SNX29: variants seen among roughly 807,000 people sequenced by gnomAD.
SNX29 encodes the protein sorting nexin-29.
Under a neutral mutation model 102.1 loss-of-function variants are expected in SNX29, and 78 were observed. That is an observed-to-expected ratio of 0.76 (90% CI 0.64 to 0.92). The LOEUF (loss-of-function observed/expected upper bound fraction) is 0.92. SNX29 is among the 40% of genes least tolerant of loss of function. SNX29 has a pLI of 0.00. For synonymous variants in SNX29, 580 were observed against 414.5 expected (o/e 1.40, Z -4.85); for missense variants, 1,280 against 1,061.7 (o/e 1.21, Z -2.86).
intron 20 of SNX29, among the ~76,000 whole-genome samples, chr16:12,561,684 C>T (rs1434683154): frequency 1.3e-5 from 2 of 152,206 alleles, no homozygotes; most frequent in East Asian, 1.9e-4. Flanking sequence ...CACACACAGA[C>T]CCCCTTTTCC....
At chr16:12,052,674 C>T (rs546787467) in intron 8 of SNX29, 1 of 183,832 alleles carries the variant, frequency 5.4e-6, no homozygotes, top group East Asian at 1.4e-4. Flanking sequence ...ATTTGCTCTT[C>T]CCCTGAGAAC....
intron 16 of SNX29, among the ~76,000 whole-genome samples, chr16:12,368,751 G>T (rs1006181043): frequency 6.6e-6 from 1 of 152,240 alleles, no homozygotes; most frequent in Non-Finnish European, 1.5e-5. Flanking sequence ...GCATATGTTT[G>T]TGAATGCATG....
At chr16:12,529,423 G>A (rs1426013682) in intron 20 of SNX29, among the ~76,000 whole-genome samples, 1 of 152,164 alleles carries the variant, frequency 6.6e-6, no homozygotes, top group Non-Finnish European at 1.5e-5. Context: ...AGGGAGGCTC[G>A]GACTCCAAGA....
At chr16:12,257,808 G>T (rs2078620221) in intron 14 of SNX29, among the ~76,000 whole-genome samples, 1 of 151,394 alleles carries the variant, frequency 6.6e-6, no homozygotes, top group Admixed American at 6.6e-5. Flanking sequence ...GATTACAGAT[G>T]TGAGCCACCG....
At chr16:12,487,316 C>T (rs941167278) in intron 19 of SNX29, among the ~76,000 whole-genome samples, 12 of 152,174 alleles carry the variant, frequency 7.9e-5, no homozygotes, top group Admixed American at 7.2e-4. Context: ...ATGGTCCCGC[C>T]GAAAACCTCA....
chr16:12,038,506 G>A (rs1314934505), intron 4 of SNX29, among the ~76,000 whole-genome samples: 1 of 152,214 alleles, frequency 6.6e-6, no homozygotes, highest in Admixed American at 6.5e-5. Flanking sequence ...TTAACCCCAT[G>A]TTTCAAAGCA....
chr16:12,221,839 C>T (rs150753450), intron 14 of SNX29, among the ~76,000 whole-genome samples: 21 of 152,250 alleles, frequency 1.4e-4, no homozygotes, highest in East Asian at 5.8e-4. Flanking sequence ...GCCTCTTCCC[C>T]GCATGATCCC....
intron 13 of SNX29, among the ~76,000 whole-genome samples, chr16:12,146,825 C>T (rs1336347308): frequency 4.6e-5 from 7 of 152,170 alleles, no homozygotes; most frequent in Admixed American, 3.3e-4. Flanking sequence ...ATAATGGGAG[C>T]ACCTTCTCAA....
intron 20 of SNX29, among the ~76,000 whole-genome samples, chr16:12,558,233 C>T (rs922736266): frequency 2.1e-4 from 4 of 18,648 alleles, no homozygotes; most frequent in Admixed American, 7.5e-4. Flanking sequence ...TCTCTTCAGC[C>T]CCCCCAGTAG....
intron 11 of SNX29, among the ~76,000 whole-genome samples, chr16:12,101,037 C>T (rs1044713027): frequency 7.9e-5 from 12 of 152,128 alleles, no homozygotes; most frequent in East Asian, 3.9e-4. Context: ...ATTCCCAGGA[C>T]GAAGAGTGCC....
At chr16:12,553,093 C>A (rs946257869) in intron 20 of SNX29, among the ~76,000 whole-genome samples, 1 of 152,028 alleles carries the variant, frequency 6.6e-6, no homozygotes, top group Non-Finnish European at 1.5e-5. Flanking sequence ...ATAGTTCAGG[C>A]TTGGCCTGGG....
chr16:12,381,924 C>G (rs1307866544), intron 16 of SNX29, among the ~76,000 whole-genome samples: 16 of 150,950 alleles, frequency 1.1e-4, no homozygotes, highest in Non-Finnish European at 2.4e-4. Flanking sequence ...CCACCCCACC[C>G]ACACATCCGG....
chr16:12,519,325 C>T (rs548735410), intron 19 of SNX29, among the ~76,000 whole-genome samples: 1 of 152,154 alleles, frequency 6.6e-6, no homozygotes, highest in African/African-American at 2.4e-5. Context: ...CCAGTCTGAA[C>T]AGTATTGCAT....
intron 14 of SNX29, among the ~76,000 whole-genome samples, chr16:12,275,386 A>G (rs1396724743): frequency 1.3e-5 from 2 of 152,104 alleles, no homozygotes; most frequent in Non-Finnish European, 2.9e-5. Context: ...CCTAACCTCA[A>G]CTCAGTCCAG....
At chr16:12,547,175 C>G (rs1407048720) in intron 20 of SNX29, among the ~76,000 whole-genome samples, 2 of 152,156 alleles carry the variant, frequency 1.3e-5, no homozygotes, top group Non-Finnish European at 2.9e-5. Flanking sequence ...TGTTTATGGT[C>G]TAGGAAGATG....
intron 18 of SNX29, among the ~76,000 whole-genome samples, chr16:12,453,191 C>A (rs1424166096): frequency 6.6e-6 from 1 of 152,234 alleles, no homozygotes; most frequent in Non-Finnish European, 1.5e-5. Flanking sequence ...ATATGGCTCT[C>A]ATGCCACCTG....
intron 3 of SNX29, among the ~76,000 whole-genome samples, chr16:12,008,171 C>A (rs2056521691): frequency 6.6e-6 from 1 of 152,188 alleles, no homozygotes; most frequent in Non-Finnish European, 1.5e-5. Context: ...GTTTTGATCT[C>A]CTGACCTTGT....
intron 18 of SNX29, among the ~76,000 whole-genome samples, chr16:12,421,856 C>T (rs2084883901): frequency 6.7e-6 from 1 of 148,188 alleles, no homozygotes; most frequent in African/African-American, 2.6e-5. Flanking sequence ...ACCAGCCATC[C>T]ATCACCATCA....
chr16:11,993,645 A>G (rs1372809755), intron 1 of SNX29, among the ~76,000 whole-genome samples: 3 of 152,192 alleles, frequency 2.0e-5, no homozygotes, highest in South Asian at 4.1e-4. Flanking sequence ...TCATGATCAC[A>G]TGGCTGGTGG....
Sources: allele counts gnomAD v4.1 joint callset (sites outside exome capture counted in the v4.1 genomes callset), GRCh38; gene constraint gnomAD v4.1.1; transcripts MANE v1.5; gene names NCBI Gene and HGNC (gene_info 2026-07-23, HGNC 2026-07-21).